OR9Q1: variants seen among roughly 807,000 people sequenced by gnomAD.
OR9Q1 encodes the protein olfactory receptor family 9 subfamily Q member 1.
For synonymous variants in OR9Q1, 153 were observed against 148.6 expected (o/e 1.03, Z -0.22); for missense variants, 374 against 378.8 (o/e 0.99, Z 0.11).
chr11:58,030,126 GC>G (rs1224656737), intron 1 of OR9Q1, among the ~76,000 whole-genome samples: 1 of 152,116 alleles, frequency 6.6e-6, no homozygotes, highest in Non-Finnish European at 1.5e-5. Flanking sequence ...ACACATATGA[GC>G]CACCGGGCCC....
intron 2 of OR9Q1, among the ~76,000 whole-genome samples, chr11:58,155,197 A>G (rs1020200118): frequency 3.9e-5 from 6 of 152,174 alleles, no homozygotes; most frequent in Non-Finnish European, 8.8e-5. Context: ...GGAAGAATTC[A>G]TTATTTTTTG....
At chr11:58,038,712 T>C (rs1286447127) in intron 1 of OR9Q1, among the ~76,000 whole-genome samples, 2 of 152,210 alleles carry the variant, frequency 1.3e-5, no homozygotes, top group Non-Finnish European at 2.9e-5. Flanking sequence ...TACATCACCA[T>C]TGTCAAAAGC....
At chr11:58,030,937 G>A in intron 1 of OR9Q1, 1 of 1,523,692 alleles carries the variant, frequency 6.6e-7, no homozygotes, top group Non-Finnish European at 9.1e-7. Context: ...AGTTTGCTGA[G>A]CTCTCACTGC....
intron 2 of OR9Q1, among the ~76,000 whole-genome samples, chr11:58,150,899 A>G (rs1854344771): frequency 1.3e-5 from 2 of 152,186 alleles, no homozygotes; most frequent in Non-Finnish European, 2.9e-5. Context: ...GTGGGAGATG[A>G]TAGCTCCGTG....
At chr11:58,133,845 T>C (rs1427823032) in intron 2 of OR9Q1, among the ~76,000 whole-genome samples, 1 of 152,176 alleles carries the variant, frequency 6.6e-6, no homozygotes, top group Non-Finnish European at 1.5e-5. Context: ...AACAATCTCC[T>C]TTGTGGATGA....
intron 2 of OR9Q1, among the ~76,000 whole-genome samples, chr11:58,114,792 G>A (rs1391243766): frequency 6.6e-6 from 1 of 152,188 alleles, no homozygotes. Context: ...GGGTTGTGTT[G>A]TATGTCTTGC....
At chr11:58,139,735 A>G (rs1001783178) in intron 2 of OR9Q1, among the ~76,000 whole-genome samples, 13 of 152,140 alleles carry the variant, frequency 8.5e-5, no homozygotes, top group Admixed American at 2.6e-4. Context: ...ATAGTGCTGC[A>G]ATAAACATAC....
intron 2 of OR9Q1, among the ~76,000 whole-genome samples, chr11:58,152,320 A>G (rs1351251526): frequency 6.6e-6 from 1 of 152,204 alleles, no homozygotes. Flanking sequence ...TATGAAATTC[A>G]GGACATTTAA....
At chr11:58,087,722 C>A (rs142560868) in intron 2 of OR9Q1, among the ~76,000 whole-genome samples, 3 of 151,662 alleles carry the variant, frequency 2.0e-5, no homozygotes, top group East Asian at 1.9e-4. Flanking sequence ...CCTTGCCCCC[C>A]ACCCCCTGAC....
intron 2 of OR9Q1, among the ~76,000 whole-genome samples, chr11:58,074,351 A>C (rs925549715): frequency 6.6e-6 from 1 of 152,110 alleles, no homozygotes; most frequent in Non-Finnish European, 1.5e-5. Context: ...GCATTTCTCT[A>C]ATGACCAGTG....
intron 2 of OR9Q1, among the ~76,000 whole-genome samples, chr11:58,135,162 GCT>G (rs2013523112): frequency 6.6e-6 from 1 of 152,164 alleles, no homozygotes; most frequent in African/African-American, 2.4e-5. Context: ...AAGCATTCGG[GCT>G]CCTTGAGACC....
intron 2 of OR9Q1, among the ~76,000 whole-genome samples, chr11:58,067,821 C>A (rs956112236): frequency 6.6e-6 from 1 of 152,214 alleles, no homozygotes; most frequent in Non-Finnish European, 1.5e-5. Flanking sequence ...GATCCTGCCC[C>A]AGACCTGCAC....
At chr11:58,157,242 G>C (rs1854416245) in intron 2 of OR9Q1, among the ~76,000 whole-genome samples, 1 of 152,094 alleles carries the variant, frequency 6.6e-6, no homozygotes, top group Non-Finnish European at 1.5e-5. Context: ...TTTCCTACCA[G>C]GGTCGCTCCT....
At chr11:58,153,812 A>G (rs1290496866) in intron 2 of OR9Q1, among the ~76,000 whole-genome samples, 2 of 152,156 alleles carry the variant, frequency 1.3e-5, no homozygotes, top group African/African-American at 4.8e-5. Context: ...CAGAATATTA[A>G]TAGTGTCACT....
chr11:58,126,173 T>A (rs1854088661), intron 2 of OR9Q1, among the ~76,000 whole-genome samples: 1 of 152,186 alleles, frequency 6.6e-6, no homozygotes, highest in South Asian at 2.1e-4. Context: ...CTCTAACCAC[T>A]CCAGCTCTTG....
chr11:58,104,603 A>G (rs749299906), intron 2 of OR9Q1, among the ~76,000 whole-genome samples: 2 of 152,214 alleles, frequency 1.3e-5, no homozygotes, highest in Non-Finnish European at 2.9e-5. Context: ...AATGTTAATA[A>G]TTGTAACCGC....
Position 58,086,515 on chromosome 11 carries a change from C to A in OR9Q1, c.-15+30568C>A, listed in dbSNP as rs58435403. 7.5e-3 allele frequency among the ~76,000 whole-genome samples: 1,061 copies of A among 142,080 alleles called. 50 individuals carry two copies. Among genetic ancestry groups the A allele is most frequent in the African/African-American group, 0.025 (1,010 of 40,180 alleles). 93.2% of individuals were successfully genotyped at this position (142,080 alleles called of 152,430 possible). On this transcript the variant is annotated intron_variant, in intron 2 of 2. Transcript: ENST00000335397. Reference sequence around the variant, plus strand: ...GCAATCTCATTTCTGGATATATAACCAAAGGAATTGAAATCAGTATCTTAA... The same window carrying A: ...GCAATCTCATTTCTGGATATATAACAAAAGGAATTGAAATCAGTATCTTAA...
chr11:58,048,282 T>G (rs904015996), intron 1 of OR9Q1, among the ~76,000 whole-genome samples: 1 of 152,186 alleles, frequency 6.6e-6, no homozygotes, highest in South Asian at 2.1e-4. Context: ...AAAGCAGATA[T>G]GGATTTGCGA....
At chr11:58,133,264 T>A (rs942242764) in intron 2 of OR9Q1, among the ~76,000 whole-genome samples, 2 of 152,172 alleles carry the variant, frequency 1.3e-5, no homozygotes, top group Non-Finnish European at 2.9e-5. Flanking sequence ...TTTCAGAGAA[T>A]TTAATAGAGG....
Sources: allele counts gnomAD v4.1 joint callset (sites outside exome capture counted in the v4.1 genomes callset), GRCh38; gene constraint gnomAD v4.1.1; transcripts MANE v1.5; gene names NCBI Gene and HGNC (gene_info 2026-07-23, HGNC 2026-07-21).